Variants in GIGYF2 observed in about 807,000 individuals in gnomAD.
The protein encoded by GIGYF2 is GRB10-interacting GYF protein 2.
GIGYF2 carries 25 observed loss-of-function variants against 208.1 expected under a neutral mutation model. The ratio of observed to expected loss-of-function variants is 0.12; its 90% CI spans 0.09 to 0.17. The LOEUF (loss-of-function observed/expected upper bound fraction) is 0.17. Ranked by LOEUF, GIGYF2 falls within the 10% of genes least tolerant of loss-of-function variation. The pLI is 1.00. For missense variants in GIGYF2, 1,302 were observed against 1,579.4 expected, an observed-to-expected ratio of 0.82 and a Z score of 2.98; for synonymous variants, 534 against 543.8, an observed-to-expected ratio of 0.98 and a Z score of 0.25.
intron 27 of GIGYF2, 39 bp downstream of exon 27, chr2:232,847,610 TA>T (rs749668534): frequency 1.2e-6 from 2 of 1,608,542 alleles, no homozygotes; most frequent in Non-Finnish European, 1.7e-6. Context: ...CTCTGAGGAT[TA>T]ATACCTTTAG....
rs1700670047 is a variant in GIGYF2 at position 232,809,608 on chromosome 2, TGG to T, written c.1807-110_1807-109del. 4.1e-6 allele frequency: 3 copies of T among 737,992 alleles called. No homozygotes were observed. In the South Asian group the frequency reaches 4.3e-5, roughly 10 times the overall value. 45.7% of individuals were successfully genotyped at this position (737,992 alleles called of 1,614,324 possible). On this transcript the variant is annotated intron_variant, in intron 15 of 28. Coordinates refer to ENST00000373563, the MANE Select transcript of GIGYF2 (RefSeq NM_001103146.3). ...AAGTGTTTGGGTAAAAGGGTAGAGC[TGG>T]GAGGTAAAGGTCTTAGATTCATTTT...
At chr2:232,833,990 G>A (rs1395260043) in intron 22 of GIGYF2, among the ~76,000 whole-genome samples, 1 of 152,014 alleles carries the variant, frequency 6.6e-6, no homozygotes, top group Non-Finnish European at 1.5e-5. Flanking sequence ...GAGCTGGCCT[G>A]ATAGCAGTCA....
At chr2:232,724,897 A>C (rs1208355038) in intron 2 of GIGYF2, among the ~76,000 whole-genome samples, 1 of 152,172 alleles carries the variant, frequency 6.6e-6, no homozygotes, top group Non-Finnish European at 1.5e-5. Flanking sequence ...AAAATGTACC[A>C]CTACCATCTT....
In GIGYF2 at chr2:232,858,735, A is replaced by G. The variant is rs1013208975; in HGVS notation, c.*1875A>G. The G allele has an allele frequency of 5.6e-6, 2 of 354,726 alleles. No homozygotes were observed. The highest frequency in any genetic ancestry group is 7.4e-5 in the East Asian group (1 of 13,542). The allele number at this position is 354,726 out of a possible 1,614,324, so 22.0% of individuals were successfully genotyped here. ...AAGCACCCAAGACATGGAGGCAGCC[A>G]TGGCTTCTTTCTCTGCCAGACCACG... On this transcript the variant is annotated 3_prime_UTR_variant, in exon 29 of 29. Transcript: ENST00000373563.
chr2:232,827,551 T>A (rs920598037), intron 21 of GIGYF2, among the ~76,000 whole-genome samples: 1 of 152,378 alleles, frequency 6.6e-6, no homozygotes, highest in Non-Finnish European at 1.5e-5. Context: ...TTCATTGTTA[T>A]TCTTTTTATG....
At chr2:232,836,316 A>ATT (rs1701618157) in intron 22 of GIGYF2, among the ~76,000 whole-genome samples, 2 of 34,624 alleles carry the variant, frequency 5.8e-5, no homozygotes, top group African/African-American at 1.2e-4. Context: ...ATATATATAT[A>ATT]TATATATATA....
At chr2:232,848,154 ATG>A (rs747859856) in intron 27 of GIGYF2, among the ~76,000 whole-genome samples, 3 of 152,314 alleles carry the variant, frequency 2.0e-5, no homozygotes, top group Middle Eastern at 3.4e-3. Flanking sequence ...ACCTTGTTTT[ATG>A]TGTGTGTCTT....
chr2:232,820,372 T>G (rs1419697463), intron 21 of GIGYF2, among the ~76,000 whole-genome samples: 1 of 148,444 alleles, frequency 6.7e-6, no homozygotes, highest in Non-Finnish European at 1.5e-5. Flanking sequence ...TGGAGTGCAG[T>G]GGTGTGATCT....
intron 8 of GIGYF2, among the ~76,000 whole-genome samples, chr2:232,779,664 T>G (rs1405845396): frequency 3.3e-5 from 5 of 152,218 alleles, no homozygotes; most frequent in Non-Finnish European, 7.4e-5. Context: ...ATGAGGGCTG[T>G]AGGGTTGTGG....
chr2:232,712,034 C>T (rs979163541), intron 2 of GIGYF2, among the ~76,000 whole-genome samples: 1 of 151,868 alleles, frequency 6.6e-6, no homozygotes, highest in African/African-American at 2.4e-5. Flanking sequence ...ATCAGAAAAG[C>T]CTTTAAATAT....
At chr2:232,794,614 T>C in intron 12 of GIGYF2, 134 bp from the exon 13 acceptor site, 3 of 744,738 alleles carry the variant, frequency 4.0e-6, no homozygotes, top group Admixed American at 3.6e-5. Context: ...TCCATAGAAG[T>C]AGCTTCACTG....
At chr2:232,742,898 G>C (rs541902870) in intron 3 of GIGYF2, among the ~76,000 whole-genome samples, 1 of 152,182 alleles carries the variant, frequency 6.6e-6, no homozygotes, top group Admixed American at 6.5e-5. Flanking sequence ...TATTGAACCT[G>C]ATGGGCTTTA....
At chr2:232,720,504 A>G (rs1161398636) in intron 2 of GIGYF2, among the ~76,000 whole-genome samples, 1 of 151,932 alleles carries the variant, frequency 6.6e-6, no homozygotes. Context: ...TAGATCCTTG[A>G]GGAACTGCCA....
At position 232,806,451 on chromosome 2, in the gene GIGYF2, G is replaced by T; in HGVS notation, c.1640-40G>T. ...ATTTTTTTTCTCTTTGAGTCTGAAA[G>T]GTTTCTTATTGTCTTTCTGTTTAAT... On this transcript the variant is annotated intron_variant, in intron 14 of 28. Transcript: ENST00000373563. The surrounding 1 kb of genome is among the most constrained non-coding windows in gnomAD (Gnocchi z 4.0). The T allele has an allele frequency of 7.2e-7, 1 of 1,387,562 alleles. No homozygotes were observed. The highest frequency in any genetic ancestry group is 2.3e-5 in the East Asian group (1 of 43,886). The allele number at this position is 1,387,562 out of a possible 1,614,324, so 86.0% of individuals were successfully genotyped here.
chr2:232,709,933 C>T (rs1416018342), intron 2 of GIGYF2, among the ~76,000 whole-genome samples: 2 of 151,712 alleles, frequency 1.3e-5, no homozygotes, highest in South Asian at 4.2e-4. Flanking sequence ...TGCCTGGGCT[C>T]CAGCTGATTT....
rs201890311 is a variant in GIGYF2 at position 232,759,670 on chromosome 2, T to C, written c.380-810T>C. Among the ~76,000 whole-genome samples the C allele has an allele frequency of 2.0e-4, 30 of 152,270 alleles. No homozygotes were observed. The East Asian group carries it at 4.6e-3, about 23-fold the overall frequency. On this transcript the variant is annotated intron_variant, in intron 6 of 28. Transcript: ENST00000373563. ...TGTAGCTAATCCTTTATTGATTAGA[T>C]TTCTAGTTTTTTTTTTTAATTACAG...
At chr2:232,838,252 G>A (rs951652442) in intron 22 of GIGYF2, among the ~76,000 whole-genome samples, 1 of 151,882 alleles carries the variant, frequency 6.6e-6, no homozygotes, top group African/African-American at 2.4e-5. Context: ...GCGTGTGTAT[G>A]TATATGTATA....
intron 14 of GIGYF2, among the ~76,000 whole-genome samples, chr2:232,799,172 G>A (rs1018510785): frequency 6.6e-6 from 1 of 151,946 alleles, no homozygotes; most frequent in Non-Finnish European, 1.5e-5. Flanking sequence ...TCCCCTGTAG[G>A]TGTATAACAC....
intron 22 of GIGYF2, among the ~76,000 whole-genome samples, chr2:232,837,729 G>A (rs1302312932): frequency 6.6e-6 from 1 of 152,110 alleles, no homozygotes; most frequent in Non-Finnish European, 1.5e-5. Context: ...AAAGTGCTGG[G>A]ATTACAGGTG....
Sources: allele counts gnomAD v4.1 joint callset (sites outside exome capture counted in the v4.1 genomes callset), GRCh38; gene constraint gnomAD v4.1.1; non-coding constraint Gnocchi (gnomAD v3.1); transcripts MANE v1.5; gene names NCBI Gene and HGNC (gene_info 2026-07-23, HGNC 2026-07-21).